KIF1A: variants seen among roughly 807,000 people sequenced by gnomAD.
The protein encoded by KIF1A is kinesin family member 1A, also known as kinesin-like protein KIF1A.
In KIF1A, 46 loss-of-function variants were observed where a neutral mutation model predicts 227.3. The ratio of observed to expected loss-of-function variants is 0.20; its 90% CI spans 0.16 to 0.26. The LOEUF is 0.26. KIF1A is among the 10% of genes least tolerant of loss of function. KIF1A has a pLI of 1.00. For synonymous variants in KIF1A, 1,022 were observed against 1,012.8 expected (o/e 1.01, Z -0.17); for missense variants, 1,683 against 2,485.9 (o/e 0.68, Z 6.87).
At chr2:240,737,275 C>G (rs2047446610) in intron 37 of KIF1A, 107 bp from the exon 38 acceptor site, 3 of 838,462 alleles carry the variant, frequency 3.6e-6, no homozygotes, top group Admixed American at 1.8e-5. Context: ...CCCACATGGT[C>G]ACTAGAGCGT....
intron 46 of KIF1A, 51 bp from the exon 47 acceptor site, chr2:240,719,249 G>A: frequency 6.4e-7 from 1 of 1,559,646 alleles, no homozygotes; most frequent in Non-Finnish European, 8.7e-7. Flanking sequence ...GGCAGCGACT[G>A]ACTCGGGCAC....
At chr2:240,731,238 G>A (rs2046563697) in intron 38 of KIF1A, among the ~76,000 whole-genome samples, 1 of 152,158 alleles carries the variant, frequency 6.6e-6, no homozygotes, top group African/African-American at 2.4e-5. Context: ...TAGACATAGG[G>A]GCTAGGATGG....
chr2:240,757,270 T>C lies in KIF1A; in HGVS notation c.2858+49A>G. On this transcript the variant is annotated intron_variant, in intron 27 of 48. Transcript: ENST00000498729. This position sits in a 1 kb window ranked among gnomAD's most constrained non-coding sequence, Gnocchi z 6.2. ...CTCTGTGCCCGCAGCAGTGCTCCTG[T>C]GCAAAAGAGCTGGGTCCTCCCCAGC... 1 of 1,517,714 alleles carries C rather than the reference T, an allele frequency of 6.6e-7. No homozygotes were observed. Among genetic ancestry groups the C allele is most frequent in the Non-Finnish European group, 8.9e-7 (1 of 1,119,752 alleles). 94.0% of individuals were successfully genotyped at this position (1,517,714 alleles called of 1,614,324 possible). A position where few individuals can be genotyped will look rare whatever the true frequency, so the allele number is the denominator to read the frequency against.
chr2:240,761,590 AG>A (rs1373522625), intron 23 of KIF1A, among the ~76,000 whole-genome samples: 1 of 152,220 alleles, frequency 6.6e-6, no homozygotes, highest in African/African-American at 2.4e-5. Context: ...AGAGGTGGAC[AG>A]GCCCCTCTCT....
rs570975063 is a variant in KIF1A, at chr2:240,725,751, A to G, written c.4123-347T>C. On this transcript the variant is annotated intron_variant, in intron 39 of 48. Coordinates refer to ENST00000498729, the MANE Select transcript of KIF1A (RefSeq NM_001244008.2). This position sits in a 1 kb window ranked among gnomAD's most constrained non-coding sequence, Gnocchi z 5.8. ...CCTCCCCGACCCTGGAATGTCTGTG[A>G]GGATCAAACCAGGTCTTGTTTGAAT... 2.2e-4 allele frequency: 55 copies of G among 246,944 alleles called. No homozygotes were observed. The highest frequency in any genetic ancestry group is 1.2e-3 in the African/African-American group (52 of 44,380). 15.3% of individuals were successfully genotyped at this position (246,944 alleles called of 1,614,324 possible). A position where few individuals can be genotyped will look rare whatever the true frequency, so the allele number is the denominator to read the frequency against.
intron 1 of KIF1A, among the ~76,000 whole-genome samples, chr2:240,800,519 G>A (rs575147437): frequency 5.8e-4 from 89 of 152,282 alleles, no homozygotes; most frequent in African/African-American, 1.9e-3. Context: ...TGCATTCTGC[G>A]CACGGGGCAA....
At chr2:240,795,246 T>C (rs1197453857) in intron 2 of KIF1A, among the ~76,000 whole-genome samples, 1 of 152,196 alleles carries the variant, frequency 6.6e-6, no homozygotes, top group East Asian at 1.9e-4. Context: ...CAGAGGCTGC[T>C]GGCACATAGG....
At chr2:240,777,624 G>A (rs563850842) in intron 10 of KIF1A, among the ~76,000 whole-genome samples, 2 of 152,094 alleles carry the variant, frequency 1.3e-5, no homozygotes, top group African/African-American at 2.4e-5. Context: ...ACCTGCTCCC[G>A]ACCTATCCGT....
At chr2:240,765,433 AC>A (rs2051050624) in intron 20 of KIF1A, among the ~76,000 whole-genome samples, 1 of 152,202 alleles carries the variant, frequency 6.6e-6, no homozygotes, top group Non-Finnish European at 1.5e-5. Context: ...CTAGGCAGGC[AC>A]ACCCTGGCTC....
rs543355325 is a variant in KIF1A, at chr2:240,757,666, G to A, written c.2583-72C>T. On this transcript the variant is annotated intron_variant, in intron 26 of 48. Coordinates refer to ENST00000498729, the MANE Select transcript of KIF1A (RefSeq NM_001244008.2). The surrounding 1 kb of genome is among the most constrained non-coding windows in gnomAD (Gnocchi z 6.2). ...GCAGGGACGAACAGGGGCCGGGGCC[G>A]GGGCTGGGGGGCTTCTGTTTAAAAC... is the stretch of plus-strand genomic sequence containing the variant. 7.9e-5 allele frequency: 115 copies of A among 1,457,428 alleles called. No homozygotes were observed. The highest frequency in any genetic ancestry group is 4.2e-4 in the East Asian group (17 of 40,182). The allele number at this position is 1,457,428 out of a possible 1,614,324, so 90.3% of individuals were successfully genotyped here.
chr2:240,782,646 C>T (rs537266635), intron 9 of KIF1A, 39 bp from the exon 10 acceptor site: 3 of 1,549,946 alleles, frequency 1.9e-6, no homozygotes, highest in Non-Finnish European at 2.6e-6. Context: ...AGGCCCGGAG[C>T]GAAGCTGGCG....
chr2:240,737,209 G>A lies in KIF1A; in HGVS notation c.3902-41C>T, dbSNP rs1317023814. On this transcript the variant is annotated intron_variant, in intron 37 of 48. Transcript: ENST00000498729. ...CGGGCCACAGGTCACTTCCCAGGGG[G>A]CAGGTGGGACCCTGGGGGGCTGCCT... 7 of 1,534,306 alleles carry A rather than the reference G, an allele frequency of 4.6e-6. No homozygotes were observed. In the East Asian group the frequency reaches 6.8e-5, roughly 15 times the overall value.
intron 27 of KIF1A, among the ~76,000 whole-genome samples, chr2:240,753,100 G>C (rs1177005284): frequency 6.6e-6 from 1 of 152,184 alleles, no homozygotes; most frequent in East Asian, 1.9e-4. Flanking sequence ...CACCACAAAG[G>C]TGACCCACCA....
rs1241135629 is a variant in KIF1A, at chr2:240,774,278, A to G, written c.959-17T>C. 1 of 1,589,020 alleles carries G rather than the reference A, an allele frequency of 6.3e-7. No homozygotes were observed. The highest frequency in any genetic ancestry group is 8.6e-7 in the Non-Finnish European group (1 of 1,158,308). Reference sequence around the variant, plus strand: ...AGTTACCGCCTGTGGGAAGAAGACCAGGTTGTGCCCAGAGGGGGATCTAGG... The same window carrying G: ...AGTTACCGCCTGTGGGAAGAAGACCGGGTTGTGCCCAGAGGGGGATCTAGG... On this transcript the variant is annotated splice_polypyrimidine_tract_variant and intron_variant, in intron 11 of 48. Transcript: ENST00000498729.
chr2:240,782,020 T>C (rs2054096378), intron 10 of KIF1A: 3 of 985,350 alleles, frequency 3.0e-6, no homozygotes, highest in Non-Finnish European at 3.6e-6. Context: ...GCCCGCCCTG[T>C]CTCACGCATT....
At chr2:240,763,486 C>T (rs928973609) in intron 20 of KIF1A, 140 bp from the exon 21 acceptor site, 3 of 779,918 alleles carry the variant, frequency 3.8e-6, no homozygotes, top group African/African-American at 3.5e-5. Flanking sequence ...CCTTCTTCAG[C>T]CCTCGCTGGG....
chr2:240,763,868 A>G (rs891891470), intron 20 of KIF1A, among the ~76,000 whole-genome samples: 4 of 152,128 alleles, frequency 2.6e-5, no homozygotes, highest in Admixed American at 2.0e-4. Flanking sequence ...AGAGACCACA[A>G]GAAGGAAGCA....
intron 27 of KIF1A, among the ~76,000 whole-genome samples, chr2:240,750,840 G>A (rs1221610799): frequency 6.6e-6 from 1 of 152,198 alleles, no homozygotes; most frequent in East Asian, 1.9e-4. Flanking sequence ...GAGCAGCCGA[G>A]GAGGGAGGTT....
intron 33 of KIF1A, 29 bp downstream of exon 33, chr2:240,743,912 GC>G (rs1383523176): frequency 1.4e-6 from 2 of 1,439,146 alleles, no homozygotes; most frequent in Non-Finnish European, 2.0e-6. Context: ...GAGGACAGCA[GC>G]CCCGAACCCC....
Sources: gnomAD v4.1 joint callset for allele counts (sites outside exome capture counted in the v4.1 genomes callset) on GRCh38, gnomAD v4.1.1 for gene constraint, Gnocchi (gnomAD v3.1) non-coding constraint, MANE v1.5 for transcripts, NCBI Gene and HGNC (gene_info 2026-07-23, HGNC 2026-07-21) for gene names.